The following ARFGEF3 variants were observed in gnomAD, a reference collection of about 807,000 sequenced individuals.
ARFGEF3 encodes brefeldin A-inhibited guanine nucleotide-exchange protein 3.
ARFGEF3 carries 96 observed loss-of-function variants against 221.7 expected under a neutral mutation model. That is an observed-to-expected ratio of 0.43 (90% CI 0.37 to 0.51). ARFGEF3 has a LOEUF of 0.51. Among genes scored for constraint, ARFGEF3 ranks in the 20% least tolerant of loss-of-function variants. The pLI, the probability that ARFGEF3 is intolerant of heterozygous loss-of-function variation, is 0.00. For synonymous variants in ARFGEF3, 1,145 were observed against 1,126.8 expected (o/e 1.02, Z -0.32); for missense variants, 2,410 against 2,789.9 (o/e 0.86, Z 3.07).
intron 10 of ARFGEF3, among the ~76,000 whole-genome samples, chr6:138,261,319 G>C (rs1000957030): frequency 2.0e-5 from 3 of 152,180 alleles, no homozygotes. Flanking sequence ...GCCCTGAGCT[G>C]AAGAGCCAGG....
In ARFGEF3 at chr6:138,255,483, A is replaced by G; in HGVS notation, c.818A>G (p.His273Arg). ...ALIVILGNPI[H>R]DKTITSAHTS... Reference sequence around the variant, plus strand: ...ATCGTGATCTTGGGGAATCCAATTCATGACAAAACCATCACCTCTGCTCAC... The same window carrying G: ...ATCGTGATCTTGGGGAATCCAATTCGTGACAAAACCATCACCTCTGCTCAC... Residue 273 changes from histidine (H) to arginine (R), a missense_variant, in exon 10 of 34, where the codon CAT becomes CGT. Transcript: ENST00000251691. 2 of 1,612,506 alleles carry G rather than the reference A, an allele frequency of 1.2e-6. No homozygotes were observed. The highest frequency in any genetic ancestry group is 2.2e-5 in the South Asian group (2 of 91,038).
In ARFGEF3 at chr6:138,336,750, C is replaced by A. The variant is rs1319726779; in HGVS notation, c.*264C>A. 1.1e-5 allele frequency: 3 copies of A among 270,274 alleles called. No individual in the cohort carries two copies. The highest frequency in any genetic ancestry group is 2.1e-5 in the Non-Finnish European group (3 of 145,632). 16.7% of individuals were successfully genotyped at this position (270,274 alleles called of 1,614,324 possible). A position where few individuals can be genotyped will look rare whatever the true frequency, so the allele number is the denominator to read the frequency against. ...TATAATCCTTGATATGTTTCTAACT[C>A]TTGAAGTATATTTCCCAGTGCTTTT... On this transcript the variant is annotated 3_prime_UTR_variant, in exon 34 of 34. Transcript: ENST00000251691.
At chr6:138,306,356 A>G (rs144984092) in intron 22 of ARFGEF3, among the ~76,000 whole-genome samples, 3 of 152,330 alleles carry the variant, frequency 2.0e-5, no homozygotes, top group African/African-American at 7.2e-5. Flanking sequence ...ATGGATTGAA[A>G]GACTCAATAT....
chr6:138,271,028 G>A (rs927322883), intron 12 of ARFGEF3, among the ~76,000 whole-genome samples: 3 of 152,232 alleles, frequency 2.0e-5, no homozygotes, highest in African/African-American at 7.2e-5. Context: ...AGAGTTTCAA[G>A]GATGGGTGGA....
Position 138,263,034 on chromosome 6 carries a change from G to C in ARFGEF3, c.1551G>C (p.Glu517Asp). Residue 517 changes from glutamate to aspartate, a missense_variant, in exon 12 of 34, where the codon GAG becomes GAC. Glu to Asp is a conservative substitution (Grantham distance 45, BLOSUM62 2). Transcript: ENST00000251691. ...VTTDTGQTTL[E>D]GELGQTTPED... ...CAGACACAGGCCAGACCACTCTCGA[G>C]GGAGAGTTGGGTCAGACTACACCCG... The C allele has an allele frequency of 2.5e-6, 4 of 1,610,286 alleles. No homozygotes were observed. Among genetic ancestry groups the C allele is most frequent in the Non-Finnish European group, 3.4e-6 (4 of 1,178,308 alleles).
intron 22 of ARFGEF3, among the ~76,000 whole-genome samples, chr6:138,299,009 C>A (rs1016599023): frequency 2.0e-5 from 3 of 152,008 alleles, no homozygotes; most frequent in South Asian, 4.2e-4. Context: ...GCCAGCCTGA[C>A]CAACATGGTG....
intron 2 of ARFGEF3, among the ~76,000 whole-genome samples, chr6:138,200,905 A>G (rs965193315): frequency 1.4e-4 from 22 of 152,250 alleles, no homozygotes; most frequent in Non-Finnish European, 4.4e-5. Context: ...AGAGTGGGAG[A>G]AAATCTTCAC....
intron 4 of ARFGEF3, among the ~76,000 whole-genome samples, chr6:138,219,261 G>GAC (rs1777934320): frequency 6.6e-6 from 1 of 152,092 alleles, no homozygotes; most frequent in Non-Finnish European, 1.5e-5. Context: ...ATTCTTGGTA[G>GAC]AGAAAAAAAG....
chr6:138,238,881 T>C (rs749737256), intron 6 of ARFGEF3, among the ~76,000 whole-genome samples: 22 of 152,194 alleles, frequency 1.4e-4, no homozygotes, highest in Non-Finnish European at 3.1e-4. Flanking sequence ...TATTTTTTAA[T>C]CATTGTTTTA....
intron 2 of ARFGEF3, among the ~76,000 whole-genome samples, chr6:138,178,448 C>G (rs974982598): frequency 1.3e-5 from 2 of 152,150 alleles, no homozygotes; most frequent in Non-Finnish European, 2.9e-5. Flanking sequence ...TCCTACTTAT[C>G]CTTGAAGACT....
At chr6:138,294,244 C>A in intron 20 of ARFGEF3, 118 bp downstream of exon 20, 1 of 1,053,206 alleles carries the variant, frequency 9.5e-7, no homozygotes. Context: ...TACACTCACA[C>A]AAGCTAAGCC....
At chr6:138,175,591 T>A (rs1776929837) in intron 2 of ARFGEF3, among the ~76,000 whole-genome samples, 1 of 152,228 alleles carries the variant, frequency 6.6e-6, no homozygotes, top group Admixed American at 6.5e-5. Context: ...ACAGATTTGG[T>A]GAAAAATATG....
intron 4 of ARFGEF3, among the ~76,000 whole-genome samples, chr6:138,220,419 A>T (rs1368566218): frequency 1.3e-5 from 2 of 152,048 alleles, no homozygotes; most frequent in Non-Finnish European, 2.9e-5. Context: ...AGAATTTTTT[A>T]TTTTTATTTT....
At chr6:138,303,490 A>C (rs960562158) in intron 22 of ARFGEF3, among the ~76,000 whole-genome samples, 3 of 152,190 alleles carry the variant, frequency 2.0e-5, no homozygotes, top group African/African-American at 4.8e-5. Context: ...ATACTATTTC[A>C]CATCTACTAG....
chr6:138,164,599 A>C (rs1465422125), intron 1 of ARFGEF3, among the ~76,000 whole-genome samples: 1 of 152,210 alleles, frequency 6.6e-6, no homozygotes, highest in Non-Finnish European at 1.5e-5. Context: ...TAATTGACAA[A>C]TATGTTGGGT....
intron 29 of ARFGEF3, among the ~76,000 whole-genome samples, 199 bp from the exon 30 acceptor site, chr6:138,323,472 A>T (rs948705771): frequency 3.9e-5 from 6 of 152,142 alleles, no homozygotes; most frequent in Middle Eastern, 3.4e-3. Context: ...TTAGCCAGGC[A>T]TGGAGGCGCA....
chr6:138,162,312 T>C lies in ARFGEF3; in HGVS notation c.85+141T>C. The C allele has an allele frequency of 1.8e-6, 1 of 562,712 alleles. No homozygotes were observed. The highest frequency in any genetic ancestry group is 3.1e-6 in the Non-Finnish European group (1 of 326,936). 34.9% of individuals were successfully genotyped at this position (562,712 alleles called of 1,614,324 possible). On this transcript the variant is annotated intron_variant, in intron 1 of 33. Transcript: ENST00000251691. This position sits in a 1 kb window ranked among gnomAD's most constrained non-coding sequence, Gnocchi z 4.7. ...TGCGAGAGTCGCCTCGGGAAATTGA[T>C]GTGGGATTTGAGAGTCTTGGCTCGG...
rs4896327 is a variant in ARFGEF3 at position 138,186,908 on chromosome 6, T to C, written c.137+16195T>C. On this transcript the variant is annotated intron_variant, in intron 2 of 33. Transcript: ENST00000251691. ...TATTCCTCTCATCCTTTTTCTTTTT[T>C]TTTTTTTTTTTTTTTTTTTTTTTTG... is the stretch of plus-strand genomic sequence containing the variant. Among the ~76,000 whole-genome samples the C allele has an allele frequency of 7.4e-3, 693 of 94,038 alleles. 4 individuals are homozygous for C. The highest frequency in any genetic ancestry group is 0.039 in the East Asian group (83 of 2,104). 61.7% of individuals were successfully genotyped at this position (94,038 alleles called of 152,430 possible).
chr6:138,219,935 A>G (rs1232325610), intron 4 of ARFGEF3, among the ~76,000 whole-genome samples: 1 of 152,278 alleles, frequency 6.6e-6, no homozygotes, highest in African/African-American at 2.4e-5. Flanking sequence ...CTGATTTCTC[A>G]TCATATCTAC....
Sources: gnomAD v4.1 joint callset for allele counts (sites outside exome capture counted in the v4.1 genomes callset) on GRCh38, gnomAD v4.1.1 for gene constraint, Gnocchi (gnomAD v3.1) non-coding constraint, MANE v1.5 for transcripts, NCBI Gene and HGNC (gene_info 2026-07-23, HGNC 2026-07-21) for gene names.